The following EVC2 variants were observed in gnomAD, a reference collection of about 807,000 sequenced individuals.
The protein encoded by EVC2 is limbin.
Under a neutral mutation model 149.3 loss-of-function variants are expected in EVC2, and 148 were observed. The ratio of observed to expected loss-of-function variants is 0.99; its 90% CI spans 0.87 to 1.14. The LOEUF is 1.14. EVC2 is among the 50% of genes most tolerant of loss of function. EVC2 has a pLI of 0.00. For missense variants in EVC2, 1,854 were observed against 1,627.3 expected, an observed-to-expected ratio of 1.14 and a Z score of -2.40; for synonymous variants, 776 against 649.9, an observed-to-expected ratio of 1.19 and a Z score of -2.95.
intron 17 of EVC2, among the ~76,000 whole-genome samples, chr4:5,581,764 A>T (rs1283619888): frequency 6.6e-6 from 1 of 152,226 alleles, no homozygotes; most frequent in Non-Finnish European, 1.5e-5. Flanking sequence ...CAGCCCTTTA[A>T]TCACAGTCCC....
At position 5,569,908 on chromosome 4, in the gene EVC2, A is replaced by AT. The variant is rs1399135298; in HGVS notation, c.3361-1269dup. ...GGCCTCCCTCCACTGTCACACTGAA[A>AT]TACTTGTTCTTCCCTGACCGTCCTG... On this transcript the variant is annotated intron_variant, in intron 19 of 21. Coordinates refer to ENST00000344408, the MANE Select transcript of EVC2 (RefSeq NM_147127.5). The surrounding 1 kb of genome is among the most constrained non-coding windows in gnomAD (Gnocchi z 4.8). Among the ~76,000 whole-genome samples, 3 of 152,100 alleles carry AT rather than the reference A, an allele frequency of 2.0e-5. No homozygotes were observed. The highest frequency in any genetic ancestry group is 7.2e-5 in the African/African-American group (3 of 41,420).
At chr4:5,669,843 AC>A (rs1719518866) in intron 7 of EVC2, among the ~76,000 whole-genome samples, 3 of 152,196 alleles carry the variant, frequency 2.0e-5, no homozygotes, top group Admixed American at 6.5e-5. Flanking sequence ...AAGTAGCAAC[AC>A]AGTTGTGGGA....
rs769477288 is a variant in EVC2, at chr4:5,625,742, T to C, written c.2046+7A>G. ...GCAAAGAATAAATAGCATCATGCCT[T>C]ATATACCTTTTGTAGCAACTCTCGT... On this transcript the variant is annotated splice_region_variant and intron_variant, in intron 13 of 21. Transcript: ENST00000344408. This position sits in a 1 kb window ranked among gnomAD's most constrained non-coding sequence, Gnocchi z 4.0. 3 of 1,614,174 alleles carry C rather than the reference T, an allele frequency of 1.9e-6. No individual in the cohort carries two copies. The highest frequency in any genetic ancestry group is 2.5e-6 in the Non-Finnish European group (3 of 1,180,034).
the EVC2 span, among the ~76,000 whole-genome samples, chr4:5,536,001 T>G: frequency 2.0e-5 from 3 of 152,036 alleles, no homozygotes; most frequent in East Asian, 3.9e-4. Flanking sequence ...CATACTTCCC[T>G]GTTTAGCCTC....
downstream of EVC2, among the ~76,000 whole-genome samples, chr4:5,561,095 T>C (rs1229767272): frequency 6.6e-6 from 1 of 152,216 alleles, no homozygotes; most frequent in African/African-American, 2.4e-5. Flanking sequence ...TTTTAAGCCA[T>C]TTTTTGAAAT....
chr4:5,578,549 T>G (rs961292557), intron 17 of EVC2, among the ~76,000 whole-genome samples: 1 of 152,162 alleles, frequency 6.6e-6, no homozygotes, highest in Non-Finnish European at 1.5e-5. Context: ...TCTCTGACTC[T>G]GGGTCCCATC....
At chr4:5,606,687 A>T (rs1714416279) in intron 16 of EVC2, among the ~76,000 whole-genome samples, 1 of 152,192 alleles carries the variant, frequency 6.6e-6, no homozygotes, top group African/African-American at 2.4e-5. Context: ...AATCAATAGA[A>T]ATGAGAGAGA....
chr4:5,671,732 A>C (rs1261651458), intron 7 of EVC2, among the ~76,000 whole-genome samples: 1 of 152,174 alleles, frequency 6.6e-6, no homozygotes, highest in Non-Finnish European at 1.5e-5. Flanking sequence ...GGCTTGTCTT[A>C]AACTCCTGAC....
intron 10 of EVC2, among the ~76,000 whole-genome samples, chr4:5,639,791 C>T (rs995196142): frequency 6.6e-6 from 1 of 152,212 alleles, no homozygotes; most frequent in Non-Finnish European, 1.5e-5. Flanking sequence ...TGAAGCCTTT[C>T]TTCTCTACCC....
rs951096703 is a variant in EVC2, at chr4:5,596,859, G to A, written c.2830-12009C>T. On this transcript the variant is annotated intron_variant, in intron 16 of 21. Transcript: ENST00000344408. Reference sequence around the variant, plus strand: ...GAAAAGAGAGAAGAATCAAATACACGCAATAAAAAATGATAAAGGGGATAT... The same window carrying A: ...GAAAAGAGAGAAGAATCAAATACACACAATAAAAAATGATAAAGGGGATAT... Among the ~76,000 whole-genome samples the A allele has an allele frequency of 1.2e-4, 18 of 152,124 alleles. 1 individual carries two copies. The highest frequency in any genetic ancestry group is 1.0e-3 in the South Asian group (5 of 4,814).
At chr4:5,643,718 C>T (rs1717504293) in intron 9 of EVC2, among the ~76,000 whole-genome samples, 1 of 152,068 alleles carries the variant, frequency 6.6e-6, no homozygotes, top group South Asian at 2.1e-4. Flanking sequence ...GCCAGGAGTT[C>T]GAGACCAGCC....
chr4:5,653,988 C>T (rs569765076), intron 9 of EVC2, among the ~76,000 whole-genome samples: 4 of 152,048 alleles, frequency 2.6e-5, no homozygotes, highest in Admixed American at 6.5e-5. Context: ...CCGAGGCAGG[C>T]GGATCACCTG....
At chr4:5,682,021 C>T (rs1720381111) in intron 6 of EVC2, among the ~76,000 whole-genome samples, 1 of 152,194 alleles carries the variant, frequency 6.6e-6, no homozygotes, top group Non-Finnish European at 1.5e-5. Flanking sequence ...CTCTCTGTGC[C>T]TCTGTTTTCT....
chr4:5,595,570 G>A (rs375726152), intron 16 of EVC2, among the ~76,000 whole-genome samples: 3 of 152,216 alleles, frequency 2.0e-5, no homozygotes, highest in East Asian at 1.9e-4. Context: ...TGAAGGAAGC[G>A]CTAAACATGG....
Position 5,562,863 on chromosome 4 carries a change from G to A in EVC2, c.3912C>T (p.Ala1304=). The A allele has an allele frequency of 6.2e-7, 1 of 1,614,066 alleles. No homozygotes were observed. Among genetic ancestry groups the A allele is most frequent in the Non-Finnish European group, 8.5e-7 (1 of 1,180,038 alleles). ...NFLNAKKAMR[A]LGMD ...TTCCCTTGGGCTAGTCCATGCCCAA[G>A]GCCCTCATGGCCTTTTTGGCATTCA... The change falls in exon 22 of 22, where the codon GCC becomes GCT. Residue 1304 remains alanine (A), a synonymous_variant. Coordinates refer to ENST00000344408, the MANE Select transcript of EVC2 (RefSeq NM_147127.5). The surrounding 1 kb of genome is among the most constrained non-coding windows in gnomAD (Gnocchi z 4.3).
intron 3 of EVC2, among the ~76,000 whole-genome samples, chr4:5,691,735 T>A (rs984248082): frequency 6.6e-6 from 1 of 152,146 alleles, no homozygotes; most frequent in Non-Finnish European, 1.5e-5. Context: ...CAAAGGGCAG[T>A]GTGTCTGGGG....
In EVC2 at chr4:5,679,770, T is replaced by A. The variant is rs925873791; in HGVS notation, c.870+1490A>T. Among the ~76,000 whole-genome samples the A allele has an allele frequency of 2.0e-5, 3 of 151,990 alleles. No homozygotes were observed. The highest frequency in any genetic ancestry group is 6.6e-5 in the Admixed American group (1 of 15,246). ...CACATGTAATTGCCCTTGCCCCCCA[T>A]CCCCCGACAGGTCCCAGTGTGTGAT... is the stretch of plus-strand genomic sequence containing the variant. On this transcript the variant is annotated intron_variant, in intron 7 of 21. Coordinates refer to ENST00000344408, the MANE Select transcript of EVC2 (RefSeq NM_147127.5). This position sits in a 1 kb window ranked among gnomAD's most constrained non-coding sequence, Gnocchi z 5.1.
Position 5,696,577 on chromosome 4 carries a change from G to C in EVC2, c.283+1016C>G, listed in dbSNP as rs1721492833. Among the ~76,000 whole-genome samples the C allele has an allele frequency of 2.0e-5, 3 of 152,176 alleles. No individual in the cohort carries two copies. Among genetic ancestry groups the C allele is most frequent in the Admixed American group, 6.5e-5 (1 of 15,280 alleles). The stretch of plus-strand genomic sequence containing the variant: ...GCCAGCCATGAGGCTCAGGAGCCAG[G>C]GACTGCCCGCGGCATTTTTCCCACC... On this transcript the variant is annotated intron_variant, in intron 2 of 21. Transcript: ENST00000344408. The surrounding 1 kb of genome is among the most constrained non-coding windows in gnomAD (Gnocchi z 4.1).
intron 9 of EVC2, among the ~76,000 whole-genome samples, chr4:5,644,692 A>G (rs1717584448): frequency 6.6e-6 from 1 of 152,100 alleles, no homozygotes; most frequent in Non-Finnish European, 1.5e-5. Context: ...ACCCCTTCCC[A>G]TACCTGGGCT....
Sources: allele counts gnomAD v4.1 joint callset (sites outside exome capture counted in the v4.1 genomes callset), GRCh38; gene constraint gnomAD v4.1.1; non-coding constraint Gnocchi (gnomAD v3.1); transcripts MANE v1.5; gene names NCBI Gene and HGNC (gene_info 2026-07-23, HGNC 2026-07-21).